The following PLEKHA7 variants were observed in gnomAD, a reference collection of about 807,000 sequenced individuals.
PLEKHA7 encodes the protein pleckstrin homology domain containing A7, also known as pleckstrin homology domain-containing family A member 7.
A neutral mutation model predicts 170.0 loss-of-function variants in PLEKHA7; 104 were observed. The ratio of observed to expected loss-of-function variants is 0.61; its 90% CI spans 0.52 to 0.72. PLEKHA7 has a LOEUF of 0.72. PLEKHA7 is among the 30% of genes least tolerant of loss of function. The pLI, the probability that PLEKHA7 is intolerant of heterozygous loss-of-function variation, is 0.00. For missense variants in PLEKHA7, 1,615 were observed against 1,671.7 expected (o/e 0.97, Z 0.59); for synonymous variants, 648 against 660.8 (o/e 0.98, Z 0.30).
chr11:16,810,089 C>T (rs538620981), intron 13 of PLEKHA7, among the ~76,000 whole-genome samples: 25 of 152,302 alleles, frequency 1.6e-4, no homozygotes, highest in African/African-American at 5.5e-4. Flanking sequence ...CTGACACACA[C>T]GGAAAGTAGA....
rs573881034 is a variant in PLEKHA7 at position 16,887,281 on chromosome 11, TACTAAAA to T, written c.222-16106_222-16100del. Reference sequence around the variant, plus strand: ...GGGCAATATGGCAAAACCCCATCTCTACTAAAAATATAAACCTCAACCTCTCCCTCTC... The same window carrying T: ...GGGCAATATGGCAAAACCCCATCTCTATATAAACCTCAACCTCTCCCTCTC... On this transcript the variant is annotated intron_variant, in intron 3 of 26. Coordinates refer to ENST00000531066, the MANE Select transcript of PLEKHA7 (RefSeq NM_001329630.2). 6.9e-5 allele frequency among the ~76,000 whole-genome samples: 10 copies of T among 145,118 alleles called. No individual in the cohort carries two copies. In the South Asian group the frequency reaches 2.2e-3, roughly 32 times the overall value.
chr11:16,777,881 T>C lies in PLEKHA7; in HGVS notation c.*1117A>G, dbSNP rs990513986. 6.6e-6 allele frequency: 1 copy of C among 152,208 alleles called. No individual in the cohort carries two copies. The highest frequency in any genetic ancestry group is 2.4e-5 in the African/African-American group (1 of 41,452). The allele number at this position is 152,208 out of a possible 1,614,324, so 9.4% of individuals were successfully genotyped here. On this transcript the variant is annotated 3_prime_UTR_variant, in exon 27 of 27. Coordinates refer to ENST00000531066, the MANE Select transcript of PLEKHA7 (RefSeq NM_001329630.2). The stretch of plus-strand genomic sequence containing the variant: ...TCATGGCCTGGTTAGAGGGAAGGGA[T>C]TTCTAGGTAGATGTCACCCAGTGTG...
chr11:16,838,629 A>G (rs574580547), intron 9 of PLEKHA7, among the ~76,000 whole-genome samples: 3 of 152,072 alleles, frequency 2.0e-5, no homozygotes, highest in African/African-American at 4.8e-5. Flanking sequence ...AAATTAAGAC[A>G]TAACATCAAC....
chr11:16,925,295 TGGC>T (rs1017155329), intron 3 of PLEKHA7, among the ~76,000 whole-genome samples: 1 of 152,174 alleles, frequency 6.6e-6, no homozygotes, highest in African/African-American at 2.4e-5. Context: ...ACGGCTCCCT[TGGC>T]GTCCTTCCCG....
intron 3 of PLEKHA7, among the ~76,000 whole-genome samples, chr11:16,893,655 G>A (rs1305530118): frequency 6.6e-6 from 1 of 152,094 alleles, no homozygotes; most frequent in Non-Finnish European, 1.5e-5. Flanking sequence ...ACCAAGAACA[G>A]GCAAAAAGTC....
chr11:16,808,373 C>T (rs1849134705), intron 13 of PLEKHA7, among the ~76,000 whole-genome samples: 1 of 152,136 alleles, frequency 6.6e-6, no homozygotes, highest in Non-Finnish European at 1.5e-5. Flanking sequence ...ACAAGAATCA[C>T]CCCAGAGCTT....
At chr11:16,818,439 C>T (rs531492265) in intron 10 of PLEKHA7, among the ~76,000 whole-genome samples, 91 of 152,322 alleles carry the variant, frequency 6.0e-4, no homozygotes, top group African/African-American at 2.2e-3. Flanking sequence ...TCTCCCCTTG[C>T]TCTATTTACC....
chr11:16,892,432 G>GTGTGTGTGTGTTTTGTTTTGTTTTGTTT (rs1554964931), intron 3 of PLEKHA7, among the ~76,000 whole-genome samples: 1 of 114,946 alleles, frequency 8.7e-6, no homozygotes, highest in East Asian at 2.5e-4. Flanking sequence ...GTGTGTGTGT[G>GTGTGTGTGTGTTTTGTTTTGTTTTGTTT]TGTTTTGTTT....
intron 11 of PLEKHA7, 149 bp downstream of exon 11, chr11:16,816,651 A>T: frequency 1.0e-6 from 1 of 966,032 alleles, no homozygotes; most frequent in South Asian, 1.7e-5. Flanking sequence ...GCCCTTGGGA[A>T]CTGTGCCTGG....
chr11:16,863,202 G>A (rs889238873), intron 4 of PLEKHA7, among the ~76,000 whole-genome samples: 1 of 152,064 alleles, frequency 6.6e-6, no homozygotes, highest in African/African-American at 2.4e-5. Flanking sequence ...AAAATGAACC[G>A]CCTTTAGCAA....
intron 3 of PLEKHA7, among the ~76,000 whole-genome samples, chr11:17,005,840 T>A (rs1864957203): frequency 1.3e-5 from 2 of 152,200 alleles, no homozygotes; most frequent in Non-Finnish European, 2.9e-5. Context: ...TTTAAATCCA[T>A]GAACCAGTTT....
At chr11:16,941,542 C>T (rs1860693404) in intron 3 of PLEKHA7, among the ~76,000 whole-genome samples, 1 of 152,156 alleles carries the variant, frequency 6.6e-6, no homozygotes, top group Admixed American at 6.5e-5. Context: ...GAAGCAATGG[C>T]AATAATAGCT....
At chr11:16,947,247 T>G (rs1204043911) in intron 3 of PLEKHA7, among the ~76,000 whole-genome samples, 1 of 152,172 alleles carries the variant, frequency 6.6e-6, no homozygotes, top group Non-Finnish European at 1.5e-5. Flanking sequence ...TTGGTGGGAA[T>G]GTAAATTCGT....
chr11:16,825,665 G>A lies in PLEKHA7; in HGVS notation c.1343+455C>T, dbSNP rs1324448989. Among the ~76,000 whole-genome samples the A allele has an allele frequency of 2.0e-5, 3 of 152,232 alleles. No homozygotes were observed. In the East Asian group the frequency reaches 5.8e-4, roughly 29 times the overall value. On this transcript the variant is annotated intron_variant, in intron 10 of 26. Coordinates refer to ENST00000531066, the MANE Select transcript of PLEKHA7 (RefSeq NM_001329630.2). ...GGTCTGATAAAGCCCAATGTCAACA[G>A]TGCCTACGCACTTCTGTATGTGCCT...
chr11:17,002,299 G>A (rs1864711552), intron 3 of PLEKHA7, among the ~76,000 whole-genome samples: 1 of 152,152 alleles, frequency 6.6e-6, no homozygotes, highest in African/African-American at 2.4e-5. Context: ...AGCTACTCAG[G>A]AGGCTGAGGC....
At chr11:17,004,108 T>C (rs1465499533) in intron 3 of PLEKHA7, among the ~76,000 whole-genome samples, 35 of 152,214 alleles carry the variant, frequency 2.3e-4, no homozygotes, top group Non-Finnish European at 4.4e-5. Flanking sequence ...GGCCGAAGAA[T>C]TGATTTGAAA....
chr11:16,779,019 G>C lies in PLEKHA7; in HGVS notation c.3795C>G (p.Ala1265=). ...EASQRSKQVA[A]QAVTDP Reference sequence around the variant, plus strand: ...TGGGTCACGGGTCAGTCACTGCCTGGGCTGGCAAAAAGCACAGGAGACAGT... The same window carrying C: ...TGGGTCACGGGTCAGTCACTGCCTGCGCTGGCAAAAAGCACAGGAGACAGT... The change falls in exon 27 of 27, where the codon GCC becomes GCG. Residue 1265 remains alanine, a splice_region_variant and synonymous_variant. Transcript: ENST00000531066. 1.4e-6 allele frequency: 1 copy of C among 702,620 alleles called. No homozygotes were observed. The highest frequency in any genetic ancestry group is 1.5e-5 in the South Asian group (1 of 67,610). 43.5% of individuals were successfully genotyped at this position (702,620 alleles called of 1,614,324 possible). A position where few individuals can be genotyped will look rare whatever the true frequency, so the allele number is the denominator to read the frequency against.
chr11:16,952,420 C>T (rs950128806), intron 3 of PLEKHA7, among the ~76,000 whole-genome samples: 1 of 152,154 alleles, frequency 6.6e-6, no homozygotes, highest in African/African-American at 2.4e-5. Context: ...GCCCAGAAGA[C>T]TTTGTGAGAC....
In PLEKHA7 at chr11:16,803,634, C is replaced by T. The variant is rs1464996420; in HGVS notation, c.2008-339G>A. 2.0e-5 allele frequency: 6 copies of T among 301,904 alleles called. No homozygotes were observed. The East Asian group carries it at 3.3e-4, about 17-fold the overall frequency. 18.7% of individuals were successfully genotyped at this position (301,904 alleles called of 1,614,324 possible). A position where few individuals can be genotyped will look rare whatever the true frequency, so the allele number is the denominator to read the frequency against. ...GCATGAATCTTGGAAGATTTGCCAC[C>T]GATAAGACAGAGGTGTACTACTGAA... On this transcript the variant is annotated intron_variant, in intron 13 of 26. Transcript: ENST00000531066.
Sources: gnomAD v4.1 joint callset for allele counts (sites outside exome capture counted in the v4.1 genomes callset) on GRCh38, gnomAD v4.1.1 for gene constraint, MANE v1.5 for transcripts, NCBI Gene and HGNC (gene_info 2026-07-23, HGNC 2026-07-21) for gene names.